LINGO2: variants seen among roughly 807,000 people sequenced by gnomAD.
The protein encoded by LINGO2 is leucine-rich repeat and immunoglobulin-like domain-containing nogo receptor-interacting protein 2.
A neutral mutation model predicts 30.6 loss-of-function variants in LINGO2; 14 were observed. The observed-to-expected ratio is 0.46, with a 90% CI of 0.30 to 0.72. LINGO2 has a LOEUF of 0.72. LINGO2 is among the 30% of genes least tolerant of loss of function. The pLI, the probability that LINGO2 is intolerant of heterozygous loss-of-function variation, is 0.07. For missense variants in LINGO2, 729 were observed against 751.7 expected (o/e 0.97, Z 0.35); for synonymous variants, 317 against 288.5 (o/e 1.10, Z -1.00).
At chr9:28,389,185 T>C (rs1213513744) in intron 2 of LINGO2, among the ~76,000 whole-genome samples, 1 of 152,196 alleles carries the variant, frequency 6.6e-6, no homozygotes, top group African/African-American at 2.4e-5. Context: ...AAAGTAATTA[T>C]GTTACTCTAA....
chr9:29,021,853 T>G, the LINGO2 span, among the ~76,000 whole-genome samples: 2 of 152,290 alleles, frequency 1.3e-5, no homozygotes, highest in African/African-American at 4.8e-5. Context: ...GTCTAGTTCC[T>G]TAGTCTTAAT....
intron 4 of LINGO2, among the ~76,000 whole-genome samples, chr9:28,265,348 C>T (rs1047282589): frequency 1.3e-5 from 2 of 151,854 alleles, no homozygotes; most frequent in African/African-American, 4.8e-5. Flanking sequence ...TAAATGTTGT[C>T]TGGAAATTAT....
chr9:28,032,415 T>TAGTTA (rs1313646256), intron 4 of LINGO2, among the ~76,000 whole-genome samples: 119 of 152,236 alleles, frequency 7.8e-4, no homozygotes, highest in Middle Eastern at 3.4e-3. Context: ...ATTCCTGTCT[T>TAGTTA]TGTCAACATT....
At chr9:29,065,882 A>T in the LINGO2 span, among the ~76,000 whole-genome samples, 1 of 151,910 alleles carries the variant, frequency 6.6e-6, no homozygotes, top group Admixed American at 6.6e-5. Flanking sequence ...ATTTCCTTCC[A>T]CATGTATTTT....
chr9:28,587,917 G>C (rs1824647944), intron 1 of LINGO2, among the ~76,000 whole-genome samples: 1 of 151,878 alleles, frequency 6.6e-6, no homozygotes, highest in African/African-American at 2.4e-5. Context: ...TGAAAATGTT[G>C]AAAGTGTCCT....
At chr9:28,650,435 AGTGCTTATGGATG>A (rs993905822) in intron 1 of LINGO2, among the ~76,000 whole-genome samples, 39 of 152,214 alleles carry the variant, frequency 2.6e-4, no homozygotes, top group African/African-American at 8.2e-4. Context: ...TTCATCCTCC[AGTGCTTATGGATG>A]GTGCTTATGG....
intron 4 of LINGO2, among the ~76,000 whole-genome samples, chr9:28,107,156 C>T (rs1826619610): frequency 6.6e-6 from 1 of 152,140 alleles, no homozygotes; most frequent in South Asian, 2.1e-4. Context: ...ACACAACTCT[C>T]TTGCACAACA....
chr9:28,375,131 CACAT>C (rs757454921), intron 2 of LINGO2, among the ~76,000 whole-genome samples: 1,725 of 129,008 alleles, frequency 0.013, 19 homozygotes, highest in South Asian at 0.038. Context: ...CACACACACA[CACAT>C]ACACCCCACA....
At chr9:28,699,805 A>C in the LINGO2 span, among the ~76,000 whole-genome samples, 14 of 152,014 alleles carry the variant, frequency 9.2e-5, no homozygotes, top group Admixed American at 8.5e-4. Flanking sequence ...TATGCGGTTG[A>C]GATGAGGACT....
chr9:28,845,185 T>A, the LINGO2 span, among the ~76,000 whole-genome samples: 2 of 151,888 alleles, frequency 1.3e-5, no homozygotes, highest in Non-Finnish European at 2.9e-5. Flanking sequence ...CGGATAAGAA[T>A]GAGAAAGCTG....
chr9:28,929,080 G>A, the LINGO2 span, among the ~76,000 whole-genome samples: 1 of 152,240 alleles, frequency 6.6e-6, no homozygotes, highest in Non-Finnish European at 1.5e-5. Context: ...AGCATACAAA[G>A]CAGGTGAAGC....
At chr9:28,080,919 C>T (rs1207273517) in intron 4 of LINGO2, 2 of 152,302 alleles carry the variant, frequency 1.3e-5, no homozygotes, top group African/African-American at 4.8e-5. Flanking sequence ...GAAGTGAAAA[C>T]GGTGTTAGTC....
chr9:28,080,739 A>G (rs931668870), intron 4 of LINGO2: 3 of 152,222 alleles, frequency 2.0e-5, no homozygotes, highest in Non-Finnish European at 4.4e-5. Context: ...CAATCAATAA[A>G]TATTTGTTGA....
chr9:28,273,945 G>T (rs1447988949), intron 4 of LINGO2, among the ~76,000 whole-genome samples: 1 of 152,092 alleles, frequency 6.6e-6, no homozygotes, highest in Admixed American at 6.6e-5. Flanking sequence ...GACAAAAGAG[G>T]AACTCCCCTT....
the LINGO2 span, among the ~76,000 whole-genome samples, chr9:28,869,729 T>C: frequency 6.6e-6 from 1 of 151,900 alleles, no homozygotes; most frequent in Non-Finnish European, 1.5e-5. Flanking sequence ...CAATAGGTGA[T>C]CAATAGGTCA....
chr9:29,014,405 T>G, the LINGO2 span, among the ~76,000 whole-genome samples: 1 of 152,138 alleles, frequency 6.6e-6, no homozygotes, highest in Admixed American at 6.6e-5. Context: ...TAGTCCTAGG[T>G]GCCATTGCTG....
intron 2 of LINGO2, among the ~76,000 whole-genome samples, chr9:28,388,293 A>G (rs376494113): frequency 6.6e-6 from 1 of 152,036 alleles, no homozygotes; most frequent in Non-Finnish European, 1.5e-5. Context: ...AAAATACCCC[A>G]TTATCCCCCT....
At chr9:28,776,298 T>G in the LINGO2 span, among the ~76,000 whole-genome samples, 7 of 152,280 alleles carry the variant, frequency 4.6e-5, no homozygotes, top group Admixed American at 3.3e-4. Flanking sequence ...TTCTGCCTTC[T>G]TATACTTTAA....
chr9:28,708,761 T>TTATCTATCTATCTATCTATCTATC, the LINGO2 span, among the ~76,000 whole-genome samples: 10,051 of 147,750 alleles, frequency 0.068, 540 homozygotes, highest in African/African-American at 0.13. Flanking sequence ...TTTAAACTAA[T>TTATCTATCTATCTATCTATCTATC]TATCTATCTA....
Sources: allele counts gnomAD v4.1 joint callset (sites outside exome capture counted in the v4.1 genomes callset), GRCh38; gene constraint gnomAD v4.1.1; transcripts MANE v1.5; gene names NCBI Gene and HGNC (gene_info 2026-07-23, HGNC 2026-07-21).